Variants in GSE1 observed in about 807,000 individuals in gnomAD.
GSE1 encodes the protein genetic suppressor element 1.
A neutral mutation model predicts 112.6 loss-of-function variants in GSE1; 32 were observed. The observed-to-expected ratio is 0.28, with a 90% CI of 0.21 to 0.38. The LOEUF is 0.38. Among genes scored for constraint, GSE1 ranks in the 10% least tolerant of loss-of-function variants. GSE1 has a pLI of 1.00. For synonymous variants in GSE1, 1,115 were observed against 735.6 expected (o/e 1.52, Z -8.35); for missense variants, 2,348 against 1,699.2 (o/e 1.38, Z -6.71).
chr16:85,226,758 GGTGTGTGTGTGTGTGTGTGTGTGTGTGT>G (rs55999145), intron 1 of GSE1, among the ~76,000 whole-genome samples: 5 of 104,890 alleles, frequency 4.8e-5, no homozygotes, highest in Admixed American at 2.0e-4. Context: ...TGCCTGGACT[GGTGTGTGTGTGTGTGTGTGTGTGTGTGT>G]GTGTGTGTGT....
At chr16:85,209,514 C>T (rs1263379792) in intron 1 of GSE1, among the ~76,000 whole-genome samples, 1 of 152,148 alleles carries the variant, frequency 6.6e-6, no homozygotes, top group African/African-American at 2.4e-5. Flanking sequence ...CCCCTCCCAC[C>T]CTCTCCCCCA....
intron 1 of GSE1, among the ~76,000 whole-genome samples, chr16:85,287,452 C>G (rs970345221): frequency 6.6e-6 from 1 of 152,168 alleles, no homozygotes; most frequent in African/African-American, 2.4e-5. Context: ...ACACCCCCGC[C>G]TCTGGCTTCA....
chr16:85,453,734 C>T (rs796620430), intron 2 of GSE1, among the ~76,000 whole-genome samples: 2 of 152,288 alleles, frequency 1.3e-5, no homozygotes, highest in African/African-American at 4.8e-5. Context: ...CATCCAGCGC[C>T]CTCCCTCTCT....
intron 1 of GSE1, among the ~76,000 whole-genome samples, chr16:85,212,095 T>C (rs2075235940): frequency 6.6e-6 from 1 of 152,176 alleles, no homozygotes; most frequent in African/African-American, 2.4e-5. Context: ...AGATAGGGTC[T>C]TCAGAAAGGT....
intron 1 of GSE1, among the ~76,000 whole-genome samples, chr16:85,183,412 T>C (rs889797374): frequency 6.6e-6 from 1 of 152,060 alleles, no homozygotes; most frequent in South Asian, 2.1e-4. Flanking sequence ...AGGAAGGAGG[T>C]GGGCACAGTG....
chr16:85,357,581 T>C lies in GSE1; in HGVS notation c.2402T>C (p.Leu801Pro), dbSNP rs1189262738. The C allele has an allele frequency of 1.8e-5, 23 of 1,288,538 alleles. No homozygotes were observed. The Admixed American group carries it at 3.9e-4, about 22-fold the overall frequency. 79.8% of individuals were successfully genotyped at this position (1,288,538 alleles called of 1,614,324 possible). A position where few individuals can be genotyped will look rare whatever the true frequency, so the allele number is the denominator to read the frequency against. Reference sequence around the variant, plus strand: ...AGAGGCCCCAGGATGGCCCAGGAGCTGAGGCCAGCACAGTGTCTGCAGAGC... The same window carrying C: ...AGAGGCCCCAGGATGGCCCAGGAGCCGAGGCCAGCACAGTGTCTGCAGAGC... The change falls in exon 2 of 3, where the codon CTG becomes CCG. Residue 801 changes from leucine (L) to proline (P), a missense_variant. Transcript: ENST00000637419.
intron 1 of GSE1, among the ~76,000 whole-genome samples, chr16:85,187,060 G>A (rs897638378): frequency 6.6e-6 from 1 of 152,192 alleles, no homozygotes; most frequent in African/African-American, 2.4e-5. Context: ...ACGCAGCCAC[G>A]CTTGGTGTCT....
intron 1 of GSE1, among the ~76,000 whole-genome samples, chr16:85,196,779 A>G (rs2074935423): frequency 6.6e-6 from 1 of 151,944 alleles, no homozygotes; most frequent in Non-Finnish European, 1.5e-5. Flanking sequence ...GCATGTTTAG[A>G]CGGGGCGGGG....
intron 1 of GSE1, among the ~76,000 whole-genome samples, chr16:85,578,728 C>T (rs1391692613): frequency 2.6e-5 from 4 of 151,388 alleles, no homozygotes; most frequent in East Asian, 1.9e-4. Context: ...CCTCCACTAC[C>T]CCTCACCACA....
chr16:85,641,871 C>T (rs974169845), intron 2 of GSE1, among the ~76,000 whole-genome samples: 1 of 152,262 alleles, frequency 6.6e-6, no homozygotes, highest in Admixed American at 6.5e-5. Context: ...GGGGCTGGAC[C>T]TCCTCTGGCC....
rs958643017 is a variant in GSE1, at chr16:85,656,478, T to C, written c.1125T>C (p.Arg375=). 1.0e-5 allele frequency: 16 copies of C among 1,524,762 alleles called. No homozygotes were observed. Among genetic ancestry groups the C allele is most frequent in the Middle Eastern group, 1.7e-4 (1 of 5,744 alleles). 94.5% of individuals were successfully genotyped at this position (1,524,762 alleles called of 1,614,324 possible). A position where few individuals can be genotyped will look rare whatever the true frequency, so the allele number is the denominator to read the frequency against. ...REKEREQEKE[R]EREKEREREL... Reference sequence around the variant, plus strand: ...AGGAGCGCGAGCAAGAGAAGGAGCGTGAGCGTGAGAAGGAGCGCGAGCGCG... The same window carrying C: ...AGGAGCGCGAGCAAGAGAAGGAGCGCGAGCGTGAGAAGGAGCGCGAGCGCG... The change falls in exon 7 of 16, where the codon CGT becomes CGC. Residue 375 remains arginine, a synonymous_variant. Coordinates refer to ENST00000253458, the MANE Select transcript of GSE1 (RefSeq NM_014615.5).
chr16:85,656,163 A>G (rs1425997769), intron 6 of GSE1, among the ~76,000 whole-genome samples, 180 bp from the exon 7 acceptor site: 1 of 151,912 alleles, frequency 6.6e-6, no homozygotes, highest in Non-Finnish European at 1.5e-5. Flanking sequence ...GGCATTTTGT[A>G]AGCCGCTTTG....
chr16:85,659,618 T>C (rs1325343262), intron 8 of GSE1: 2 of 152,050 alleles, frequency 1.3e-5, no homozygotes, highest in Non-Finnish European at 2.9e-5. Context: ...AGTAGTGGGA[T>C]TGCTCCTGTA....
At chr16:85,565,059 C>T (rs2045681476) in intron 1 of GSE1, among the ~76,000 whole-genome samples, 1 of 151,992 alleles carries the variant, frequency 6.6e-6, no homozygotes, top group Admixed American at 6.6e-5. Context: ...CACATGAACT[C>T]GATTCTGTTG....
intron 1 of GSE1, among the ~76,000 whole-genome samples, chr16:85,624,752 C>A (rs148306301): frequency 1.5e-4 from 23 of 152,280 alleles, no homozygotes; most frequent in African/African-American, 5.3e-4. Context: ...GAGAGAGGCG[C>A]CTGGGCACCG....
intron 1 of GSE1, among the ~76,000 whole-genome samples, chr16:85,599,401 A>G (rs567224651): frequency 2.0e-5 from 3 of 152,344 alleles, no homozygotes; most frequent in Admixed American, 1.3e-4. Flanking sequence ...CCTGTGGACA[A>G]TACTGATTCC....
intron 1 of GSE1, among the ~76,000 whole-genome samples, chr16:85,251,534 G>A (rs1423218328): frequency 6.6e-6 from 1 of 152,188 alleles, no homozygotes; most frequent in Non-Finnish European, 1.5e-5. Flanking sequence ...ACCCTGCTCC[G>A]CCTGACCCAG....
chr16:85,358,009 T>C (rs1367304058), intron 2 of GSE1, among the ~76,000 whole-genome samples: 2 of 152,130 alleles, frequency 1.3e-5, no homozygotes, highest in Non-Finnish European at 2.9e-5. Flanking sequence ...TTTTCTCAGA[T>C]GTCAACACAC....
At chr16:85,205,117 T>TTTTA (rs1224329462) in intron 1 of GSE1, among the ~76,000 whole-genome samples, 2 of 152,148 alleles carry the variant, frequency 1.3e-5, no homozygotes, top group Middle Eastern at 3.4e-3. Flanking sequence ...CTCCTTTAAT[T>TTTTA]TTTATTTATT....
Sources: allele counts gnomAD v4.1 joint callset (sites outside exome capture counted in the v4.1 genomes callset), GRCh38; gene constraint gnomAD v4.1.1; transcripts MANE v1.5; gene names NCBI Gene and HGNC (gene_info 2026-07-23, HGNC 2026-07-21).